Variants in OCA2 observed in about 807,000 individuals in gnomAD.
OCA2 encodes P protein.
In OCA2, 77 loss-of-function variants were observed where a neutral mutation model predicts 100.2. The observed-to-expected ratio is 0.77, with a 90% CI of 0.64 to 0.93. The LOEUF is 0.93. Among genes scored for constraint, OCA2 ranks in the 40% least tolerant of loss-of-function variants. The pLI, the probability that OCA2 is intolerant of heterozygous loss-of-function variation, is 0.00. For synonymous variants in OCA2, 432 were observed against 439.2 expected (o/e 0.98, Z 0.21); for missense variants, 1,062 against 1,089.1 (o/e 0.98, Z 0.35).
intron 2 of OCA2, among the ~76,000 whole-genome samples, chr15:28,050,477 C>G (rs1203782097): frequency 6.6e-6 from 1 of 151,140 alleles, no homozygotes; most frequent in East Asian, 2.0e-4. Context: ...AGGAGAATAG[C>G]TTGAACCCGG....
chr15:27,773,818 A>C (rs560845859), intron 23 of OCA2, among the ~76,000 whole-genome samples: 2 of 152,222 alleles, frequency 1.3e-5, no homozygotes, highest in Admixed American at 1.3e-4. Flanking sequence ...GTCATTGACT[A>C]TTCAGGAGTT....
intron 19 of OCA2, among the ~76,000 whole-genome samples, chr15:27,915,975 G>C (rs570271069): frequency 1.4e-4 from 21 of 152,214 alleles, no homozygotes; most frequent in African/African-American, 4.8e-4. Flanking sequence ...ACTGAATAAA[G>C]AAAATGTGAC....
At chr15:28,031,100 A>T (rs1442270639) in intron 3 of OCA2, among the ~76,000 whole-genome samples, 1 of 152,154 alleles carries the variant, frequency 6.6e-6, no homozygotes, top group African/African-American at 2.4e-5. Flanking sequence ...GGAGGGGGGA[A>T]GCTGTAACTA....
chr15:27,856,742 G>C (rs2035963756), intron 21 of OCA2, among the ~76,000 whole-genome samples: 1 of 150,660 alleles, frequency 6.6e-6, no homozygotes, highest in South Asian at 2.1e-4. Context: ...ACATTTTTTG[G>C]GAGCCAGAAA....
At chr15:28,018,033 G>A (rs551418045) in intron 7 of OCA2, among the ~76,000 whole-genome samples, 144 of 151,808 alleles carry the variant, frequency 9.5e-4, no homozygotes, top group African/African-American at 2.9e-3. Context: ...CACAGTAACC[G>A]TGCTGTGGAA....
chr15:27,743,222 G>T, the OCA2 span, among the ~76,000 whole-genome samples: 2 of 152,156 alleles, frequency 1.3e-5, no homozygotes, highest in African/African-American at 4.8e-5. Flanking sequence ...CCAGTTACTG[G>T]CAAGAGGAAA....
chr15:27,860,502 T>G (rs1014483153), intron 21 of OCA2, among the ~76,000 whole-genome samples: 2 of 152,194 alleles, frequency 1.3e-5, no homozygotes, highest in Non-Finnish European at 2.9e-5. Context: ...CTTCTTTGTG[T>G]CATATGTACC....
rs558139030 is a variant in OCA2, at chr15:27,979,968, C to T, written c.1503+3377G>A. 1.7e-3 allele frequency among the ~76,000 whole-genome samples: 262 copies of T among 151,698 alleles called. 3 individuals are homozygous for T. Among genetic ancestry groups the T allele is most frequent in the African/African-American group, 5.9e-3 (244 of 41,274 alleles). On this transcript the variant is annotated intron_variant, in intron 14 of 23. Coordinates refer to ENST00000354638, the MANE Select transcript of OCA2 (RefSeq NM_000275.3). ...ACACCTCATGATCCACCCGCCTCAG[C>T]CTCCCAAAGTGCTGGGATTACAGGT...
Position 28,040,099 on chromosome 15 carries a change from A to G in OCA2, c.228-7936T>C, listed in dbSNP as rs369377575. Among the ~76,000 whole-genome samples, 13 of 152,236 alleles carry G rather than the reference A, an allele frequency of 8.5e-5. No individual in the cohort carries two copies. In the South Asian group the frequency reaches 2.7e-3, roughly 32 times the overall value. ...ACACAAAGAGACACCAGGAGCACAC[A>G]TGCACTGACAGAACCATGTGAAGAG... On this transcript the variant is annotated intron_variant, in intron 2 of 23. Coordinates refer to ENST00000354638, the MANE Select transcript of OCA2 (RefSeq NM_000275.3).
At chr15:27,798,588 A>G (rs1194755580) in intron 23 of OCA2, among the ~76,000 whole-genome samples, 1 of 152,102 alleles carries the variant, frequency 6.6e-6, no homozygotes, top group Non-Finnish European at 1.5e-5. Flanking sequence ...GACCCTGATG[A>G]TCAGGATTTG....
rs188987907 is a variant in OCA2 at position 27,896,409 on chromosome 15, T to G, written c.2080-24487A>C. On this transcript the variant is annotated intron_variant, in intron 19 of 23. Coordinates refer to ENST00000354638, the MANE Select transcript of OCA2 (RefSeq NM_000275.3). ...AACTCCAGACATGATGGAGGAGATGTAAAAGAAAGCTCATGCTGCTATATG... is the reference window on the plus strand; with the variant it reads ...AACTCCAGACATGATGGAGGAGATGGAAAAGAAAGCTCATGCTGCTATATG... 1.5e-4 allele frequency: 111 copies of G among 721,164 alleles called. 2 individuals are homozygous for G. Among genetic ancestry groups the G allele is most frequent in the Admixed American group, 8.1e-4 (46 of 56,614 alleles). 44.7% of individuals were successfully genotyped at this position (721,164 alleles called of 1,614,324 possible).
chr15:27,876,352 T>C (rs753188801), intron 19 of OCA2, among the ~76,000 whole-genome samples: 8 of 152,072 alleles, frequency 5.3e-5, no homozygotes, highest in Non-Finnish European at 1.2e-4. Context: ...CCATAGCATT[T>C]GATTTGATAT....
At chr15:27,827,158 T>C (rs2034760317) in intron 23 of OCA2, among the ~76,000 whole-genome samples, 1 of 152,190 alleles carries the variant, frequency 6.6e-6, no homozygotes, top group African/African-American at 2.4e-5. Context: ...TCCACGGATA[T>C]GAAACATATA....
intron 9 of OCA2, among the ~76,000 whole-genome samples, chr15:28,005,348 C>T (rs1277682805): frequency 1.3e-5 from 2 of 152,116 alleles, no homozygotes; most frequent in South Asian, 2.1e-4. Flanking sequence ...TTGGCAAAAC[C>T]GGAGCACAAC....
intron 18 of OCA2, among the ~76,000 whole-genome samples, chr15:27,943,617 T>C (rs1328840431): frequency 6.7e-6 from 1 of 149,200 alleles, no homozygotes; most frequent in Non-Finnish European, 1.5e-5. Flanking sequence ...CACGTATACA[T>C]ATGTAACTAA....
At chr15:27,969,087 A>AT (rs968545620) in intron 14 of OCA2, among the ~76,000 whole-genome samples, 3 of 152,120 alleles carry the variant, frequency 2.0e-5, no homozygotes, top group Non-Finnish European at 4.4e-5. Flanking sequence ...AATTGTTAAT[A>AT]TTTTTTAGAG....
chr15:27,918,588 G>A (rs1328484451), intron 19 of OCA2, among the ~76,000 whole-genome samples: 2 of 152,126 alleles, frequency 1.3e-5, no homozygotes, highest in African/African-American at 4.8e-5. Flanking sequence ...GTTGACATTA[G>A]TTTCAGTCAC....
chr15:28,095,577 C>G (rs2044960432), intron 1 of OCA2, among the ~76,000 whole-genome samples: 1 of 151,906 alleles, frequency 6.6e-6, no homozygotes, highest in African/African-American at 2.4e-5. Flanking sequence ...ATTAGCCGGG[C>G]GTGGTGGCGC....
chr15:27,882,331 C>A (rs910201684), intron 19 of OCA2, among the ~76,000 whole-genome samples: 1 of 152,210 alleles, frequency 6.6e-6, no homozygotes. Flanking sequence ...CATAGTCACT[C>A]CACTACTGAA....
Sources: gnomAD v4.1 joint callset for allele counts (sites outside exome capture counted in the v4.1 genomes callset) on GRCh38, gnomAD v4.1.1 for gene constraint, MANE v1.5 for transcripts, NCBI Gene and HGNC (gene_info 2026-07-23, HGNC 2026-07-21) for gene names.